Variants in CEP63 observed in about 807,000 individuals in gnomAD.
The protein encoded by CEP63 is centrosomal protein 63.
CEP63 carries 84 observed loss-of-function variants against 89.1 expected under a neutral mutation model. That is an observed-to-expected ratio of 0.94 (90% CI 0.79 to 1.13). The LOEUF is 1.13. CEP63 is among the 50% of genes most tolerant of loss of function. The pLI is 0.00. For missense variants in CEP63, 838 were observed against 813.3 expected, an observed-to-expected ratio of 1.03 and a Z score of -0.37; for synonymous variants, 267 against 272.5, an observed-to-expected ratio of 0.98 and a Z score of 0.20.
chr3:134,628,756 CT>C, the CEP63 span, among the ~76,000 whole-genome samples: 1 of 152,140 alleles, frequency 6.6e-6, no homozygotes, highest in Admixed American at 6.5e-5. Flanking sequence ...TATTTTCCTT[CT>C]TTTATAGTTG....
the CEP63 span, among the ~76,000 whole-genome samples, chr3:134,713,202 C>T: frequency 6.6e-6 from 1 of 152,228 alleles, no homozygotes; most frequent in Admixed American, 6.5e-5. Context: ...CATTCTCCCT[C>T]TTTCTTTTTG....
At chr3:134,650,393 A>C in the CEP63 span, among the ~76,000 whole-genome samples, 1 of 152,164 alleles carries the variant, frequency 6.6e-6, no homozygotes, top group African/African-American at 2.4e-5. Context: ...CCCATCTAAA[A>C]GTCTGACTCA....
intron 3 of CEP63, among the ~76,000 whole-genome samples, chr3:134,514,830 A>C (rs1047313447): frequency 5.3e-5 from 8 of 152,222 alleles, no homozygotes; most frequent in African/African-American, 1.7e-4. Flanking sequence ...TCAGAGCTGC[A>C]GGAAGAAATG....
chr3:134,624,225 T>C, the CEP63 span, among the ~76,000 whole-genome samples: 1 of 152,196 alleles, frequency 6.6e-6, no homozygotes, highest in African/African-American at 2.4e-5. Flanking sequence ...TCTTCCCCTC[T>C]GCCCCTAGCT....
the CEP63 span, among the ~76,000 whole-genome samples, chr3:134,665,366 G>T: frequency 1.3e-5 from 2 of 152,232 alleles, no homozygotes; most frequent in African/African-American, 2.4e-5. Context: ...GGCCCCTGGA[G>T]TGGCTGTTGC....
At chr3:134,762,192 T>A in the CEP63 span, among the ~76,000 whole-genome samples, 3 of 152,124 alleles carry the variant, frequency 2.0e-5, no homozygotes, top group Admixed American at 6.5e-5. Context: ...CTCTAAAATA[T>A]CAGTCAGCCG....
At chr3:134,620,925 C>G in the CEP63 span, 1 of 906,366 alleles carries the variant, frequency 1.1e-6, no homozygotes, top group Non-Finnish European at 1.8e-6. Context: ...CAGCATCTTG[C>G]ACCTACAGCC....
the CEP63 span, among the ~76,000 whole-genome samples, chr3:134,730,892 G>T: frequency 6.6e-6 from 1 of 151,982 alleles, no homozygotes; most frequent in Non-Finnish European, 1.5e-5. Context: ...TATTCTGCCT[G>T]CAAGAGCTAC....
the CEP63 span, among the ~76,000 whole-genome samples, chr3:134,677,822 C>T: frequency 6.6e-6 from 1 of 151,778 alleles, no homozygotes; most frequent in Non-Finnish European, 1.5e-5. Context: ...GGCAACATTC[C>T]TCCTCCCTCT....
chr3:134,750,014 A>T, the CEP63 span, among the ~76,000 whole-genome samples: 1 of 152,202 alleles, frequency 6.6e-6, no homozygotes, highest in Non-Finnish European at 1.5e-5. Flanking sequence ...CATTGGAAGC[A>T]AGGGGCGCTA....
the CEP63 span, among the ~76,000 whole-genome samples, chr3:134,715,469 A>T: frequency 6.6e-6 from 1 of 151,426 alleles, no homozygotes; most frequent in Non-Finnish European, 1.5e-5. Context: ...GCACTTGCAC[A>T]TGCAGGGATG....
chr3:134,498,990 G>A (rs561888800), intron 2 of CEP63, among the ~76,000 whole-genome samples: 2 of 152,182 alleles, frequency 1.3e-5, no homozygotes, highest in East Asian at 1.9e-4. Flanking sequence ...ATATTGGCAT[G>A]TAGTTGTCTT....
the CEP63 span, among the ~76,000 whole-genome samples, chr3:134,717,571 G>A: frequency 6.6e-6 from 1 of 152,078 alleles, no homozygotes; most frequent in Non-Finnish European, 1.5e-5. Flanking sequence ...CTTTAACGAG[G>A]GCAAAGACAT....
chr3:134,730,095 T>G, the CEP63 span, among the ~76,000 whole-genome samples: 1 of 152,338 alleles, frequency 6.6e-6, no homozygotes, highest in African/African-American at 2.4e-5. Flanking sequence ...TCCAGTGAAA[T>G]GAATGGGGTC....
the CEP63 span, among the ~76,000 whole-genome samples, chr3:134,685,519 A>G: frequency 6.6e-6 from 1 of 152,206 alleles, no homozygotes; most frequent in Non-Finnish European, 1.5e-5. Context: ...GGTTGGAACA[A>G]AACAACTTGC....
chr3:134,768,608 G>T, the CEP63 span, among the ~76,000 whole-genome samples: 4 of 152,194 alleles, frequency 2.6e-5, no homozygotes, highest in East Asian at 7.7e-4. Flanking sequence ...CCAACTACTT[G>T]TATGGCTGAC....
the CEP63 span, among the ~76,000 whole-genome samples, chr3:134,618,797 T>A: frequency 2.0e-5 from 3 of 152,266 alleles, no homozygotes; most frequent in South Asian, 6.2e-4. Context: ...CCTTTCACAG[T>A]CCCCTTGGCA....
the CEP63 span, among the ~76,000 whole-genome samples, chr3:134,698,920 A>G: frequency 1.3e-5 from 2 of 152,244 alleles, no homozygotes; most frequent in African/African-American, 4.8e-5. Flanking sequence ...CTTCTTCAGC[A>G]CGTCCTGAAT....
intron 3 of CEP63, among the ~76,000 whole-genome samples, chr3:134,530,952 A>G (rs763509846): frequency 5.3e-5 from 8 of 152,194 alleles, no homozygotes; most frequent in Admixed American, 1.3e-4. Context: ...CTAGCTGGTT[A>G]TTAAAAGAAA....
Sources: gnomAD v4.1 joint callset for allele counts (sites outside exome capture counted in the v4.1 genomes callset) on GRCh38, gnomAD v4.1.1 for gene constraint, MANE v1.5 for transcripts, NCBI Gene and HGNC (gene_info 2026-07-23, HGNC 2026-07-21) for gene names.